Variants in NRG3 observed in about 807,000 individuals in gnomAD.
NRG3 encodes the protein pro-neuregulin-3, membrane-bound isoform.
Under a neutral mutation model 66.9 loss-of-function variants are expected in NRG3, and 31 were observed. The ratio of observed to expected loss-of-function variants is 0.46; its 90% CI spans 0.35 to 0.63. The LOEUF (loss-of-function observed/expected upper bound fraction) is 0.63, where lower values mean the gene tolerates loss of function less well. Among genes scored for constraint, NRG3 ranks in the 20% least tolerant of loss-of-function variants. NRG3 has a pLI of 0.00. For missense variants in NRG3, 910 were observed against 878.9 expected, an observed-to-expected ratio of 1.04 and a Z score of -0.45; for synonymous variants, 393 against 359.4, an observed-to-expected ratio of 1.09 and a Z score of -1.06.
At chr10:82,441,488 G>A (rs188977995) in intron 2 of NRG3, among the ~76,000 whole-genome samples, 42 of 152,168 alleles carry the variant, frequency 2.8e-4, no homozygotes, top group African/African-American at 8.9e-4. Context: ...ACTTTCATTC[G>A]GAAACTTCAT....
intron 4 of NRG3, among the ~76,000 whole-genome samples, chr10:82,891,053 G>C (rs749037097): frequency 6.6e-6 from 1 of 151,934 alleles, no homozygotes; most frequent in Non-Finnish European, 1.5e-5. Flanking sequence ...ATTTCTGGTA[G>C]ATCAAGTAAA....
chr10:81,952,858 G>A (rs1849505052), intron 1 of NRG3, among the ~76,000 whole-genome samples: 1 of 152,172 alleles, frequency 6.6e-6, no homozygotes, highest in South Asian at 2.1e-4. Context: ...TGATCCTCCT[G>A]ACTTGGGATT....
At chr10:82,731,078 C>T (rs528778481) in intron 2 of NRG3, among the ~76,000 whole-genome samples, 1 of 151,986 alleles carries the variant, frequency 6.6e-6, no homozygotes, top group Admixed American at 6.6e-5. Context: ...CAAGAAATAT[C>T]ACTGGAAGCT....
chr10:82,750,133 T>C (rs2058804113), intron 3 of NRG3, among the ~76,000 whole-genome samples: 1 of 152,210 alleles, frequency 6.6e-6, no homozygotes, highest in African/African-American at 2.4e-5. Flanking sequence ...TGAAGATAAA[T>C]AGCAGAATTA....
chr10:82,868,739 C>G (rs1400054461), intron 4 of NRG3, among the ~76,000 whole-genome samples: 2 of 152,190 alleles, frequency 1.3e-5, no homozygotes, highest in Non-Finnish European at 2.9e-5. Flanking sequence ...ATTGCCCAGG[C>G]TGGAGTGCAG....
chr10:82,129,743 TA>T (rs2068689769), intron 1 of NRG3, among the ~76,000 whole-genome samples: 1 of 151,926 alleles, frequency 6.6e-6, no homozygotes, highest in South Asian at 2.1e-4. Context: ...GTATTTTTAG[TA>T]GAGACGGGAT....
intron 1 of NRG3, among the ~76,000 whole-genome samples, chr10:82,311,800 G>T (rs2081043835): frequency 1.3e-5 from 2 of 152,286 alleles, no homozygotes; most frequent in South Asian, 4.1e-4. Flanking sequence ...GCATAGAGAG[G>T]TTAATCATTT....
chr10:82,438,695 G>A (rs1434923175), intron 2 of NRG3, among the ~76,000 whole-genome samples: 1 of 152,176 alleles, frequency 6.6e-6, no homozygotes, highest in Non-Finnish European at 1.5e-5. Flanking sequence ...CCCTTCCATG[G>A]GTTGCACAGT....
intron 4 of NRG3, among the ~76,000 whole-genome samples, chr10:82,878,438 C>G (rs1443795548): frequency 6.6e-6 from 1 of 152,192 alleles, no homozygotes; most frequent in Admixed American, 6.5e-5. Flanking sequence ...ATGGAACAAA[C>G]TTGGGATTTT....
chr10:82,146,516 A>G (rs989110883), intron 1 of NRG3, among the ~76,000 whole-genome samples: 2 of 152,142 alleles, frequency 1.3e-5, no homozygotes, highest in African/African-American at 4.8e-5. Context: ...AACAAACCGT[A>G]AAGGCATGTT....
intron 1 of NRG3, among the ~76,000 whole-genome samples, chr10:82,293,112 A>G (rs1175217455): frequency 6.6e-6 from 1 of 152,168 alleles, no homozygotes; most frequent in African/African-American, 2.4e-5. Flanking sequence ...CCCCTGTGGG[A>G]GTGCTCTCTT....
intron 1 of NRG3, among the ~76,000 whole-genome samples, chr10:82,132,669 T>A (rs1054854404): frequency 7.3e-5 from 11 of 150,570 alleles, no homozygotes; most frequent in African/African-American, 2.7e-4. Flanking sequence ...TCATTAAATA[T>A]TTGGTAAAAT....
At chr10:82,300,718 A>G (rs1187624399) in intron 1 of NRG3, among the ~76,000 whole-genome samples, 1 of 152,190 alleles carries the variant, frequency 6.6e-6, no homozygotes, top group African/African-American at 2.4e-5. Context: ...AGAGTTCCCT[A>G]ATGGATTCTC....
chr10:81,922,234 G>A (rs1271586838), intron 1 of NRG3, among the ~76,000 whole-genome samples: 3 of 152,064 alleles, frequency 2.0e-5, no homozygotes, highest in African/African-American at 2.4e-5. Context: ...TAACTTGATC[G>A]TTTTTTAACA....
rs147177342 is a variant in NRG3 at position 82,685,169 on chromosome 10, C to G, written c.954-53408C>G. Among the ~76,000 whole-genome samples the G allele has an allele frequency of 2.6e-3, 399 of 152,220 alleles. 1 individual carries two copies. Among genetic ancestry groups the G allele is most frequent in the African/African-American group, 9.1e-3 (377 of 41,524 alleles). ...CCAAAACTTAACCACACCCTCATCTCCAAGAGCCCAGGTGTTTTTTCCTAT... is the reference window on the plus strand; with the variant it reads ...CCAAAACTTAACCACACCCTCATCTGCAAGAGCCCAGGTGTTTTTTCCTAT... On this transcript the variant is annotated intron_variant, in intron 2 of 8. Transcript: ENST00000372141.
At chr10:82,170,043 C>G in intron 1 of NRG3, among the ~76,000 whole-genome samples, 1 of 149,298 alleles carries the variant, frequency 6.7e-6, no homozygotes, top group East Asian at 2.0e-4. Flanking sequence ...GAGATATTTT[C>G]TATCTCCACT....
intron 1 of NRG3, among the ~76,000 whole-genome samples, chr10:82,236,180 C>T (rs1274571565): frequency 6.6e-6 from 1 of 152,100 alleles, no homozygotes; most frequent in Non-Finnish European, 1.5e-5. Context: ...AAAAGATGAC[C>T]TTTAATTTCC....
chr10:82,837,992 A>G (rs971436635), intron 3 of NRG3, among the ~76,000 whole-genome samples: 1 of 152,174 alleles, frequency 6.6e-6, no homozygotes, highest in African/African-American at 2.4e-5. Context: ...GATAGGCTCA[A>G]TAGAATGTTA....
At chr10:82,339,260 G>A (rs1049862763) in intron 1 of NRG3, among the ~76,000 whole-genome samples, 2 of 152,154 alleles carry the variant, frequency 1.3e-5, no homozygotes, top group Non-Finnish European at 2.9e-5. Context: ...GTCAGTAACT[G>A]TATTAGTCTG....
Sources: gnomAD v4.1 joint callset for allele counts (sites outside exome capture counted in the v4.1 genomes callset) on GRCh38, gnomAD v4.1.1 for gene constraint, MANE v1.5 for transcripts, NCBI Gene and HGNC (gene_info 2026-07-23, HGNC 2026-07-21) for gene names.